UST: variants seen among roughly 807,000 people sequenced by gnomAD.
UST encodes the protein uronyl 2-sulfotransferase.
A neutral mutation model predicts 45.6 loss-of-function variants in UST; 21 were observed. The ratio of observed to expected loss-of-function variants is 0.46; its 90% CI spans 0.33 to 0.66. The LOEUF (loss-of-function observed/expected upper bound fraction) is 0.66. Ranked by LOEUF, UST falls within the 30% of genes least tolerant of loss-of-function variation. The pLI, the probability that UST is intolerant of heterozygous loss-of-function variation, is 0.02. For missense variants in UST, 463 were observed against 512.4 expected (o/e 0.90, Z 0.93); for synonymous variants, 215 against 200.6 (o/e 1.07, Z -0.61).
In UST at chr6:148,945,829, A is replaced by T. The variant is rs1780224074; in HGVS notation, c.447+4395A>T. Among the ~76,000 whole-genome samples, 3 of 152,156 alleles carry T rather than the reference A, an allele frequency of 2.0e-5. No homozygotes were observed. The South Asian group carries it at 6.2e-4, about 32-fold the overall frequency. ...CAGAACTCCAGTTCATTGTCTGTGA[A>T]ATACTAGGCAAGTCCACATCCTCCC... On this transcript the variant is annotated intron_variant, in intron 3 of 7. Transcript: ENST00000367463.
intron 1 of UST, among the ~76,000 whole-genome samples, chr6:148,841,313 C>T (rs1190629291): frequency 6.6e-6 from 1 of 151,874 alleles, no homozygotes; most frequent in Non-Finnish European, 1.5e-5. Context: ...ACATAATTTC[C>T]TTCTCTTATG....
At chr6:148,966,223 C>A (rs945487021) in intron 5 of UST, among the ~76,000 whole-genome samples, 4 of 135,178 alleles carry the variant, frequency 3.0e-5, no homozygotes, top group African/African-American at 6.3e-5. Flanking sequence ...GACTCCATCT[C>A]AAAAAATAAT....
chr6:149,030,273 A>G lies in UST; in HGVS notation c.937+8792A>G, dbSNP rs962225098. On this transcript the variant is annotated intron_variant, in intron 7 of 7. Transcript: ENST00000367463. Reference sequence around the variant, plus strand: ...TGATTCCTCTAAAACTCTTCTTTATATTTAATCATTAATTCAGAAGTTAGT... The same window carrying G: ...TGATTCCTCTAAAACTCTTCTTTATGTTTAATCATTAATTCAGAAGTTAGT... Among the ~76,000 whole-genome samples the G allele has an allele frequency of 4.6e-5, 7 of 152,282 alleles. No homozygotes were observed. In the South Asian group the frequency reaches 1.4e-3, roughly 32 times the overall value.
At chr6:148,775,638 T>TGG (rs778440494) in intron 1 of UST, among the ~76,000 whole-genome samples, 19,605 of 133,532 alleles carry the variant, frequency 0.15, 1,527 homozygotes, top group Non-Finnish European at 0.19. Flanking sequence ...TTTTTTTTTT[T>TGG]TGGGGCGGGG....
At chr6:148,990,308 G>C (rs1781323640) in intron 5 of UST, 1 of 781,206 alleles carries the variant, frequency 1.3e-6, no homozygotes, top group South Asian at 5.8e-5. Context: ...TTTTATAATA[G>C]AAGTATTTGA....
At chr6:148,896,377 TG>T (rs140598271) in intron 2 of UST, among the ~76,000 whole-genome samples, 2,827 of 152,276 alleles carry the variant, frequency 0.019, 39 homozygotes, top group Middle Eastern at 0.048. Context: ...CACAAAATTG[TG>T]TTGTGTGCAG....
At chr6:148,862,551 T>C (rs1487952776) in intron 1 of UST, among the ~76,000 whole-genome samples, 1 of 152,242 alleles carries the variant, frequency 6.6e-6, no homozygotes, top group Non-Finnish European at 1.5e-5. Flanking sequence ...TCGTGTTAGC[T>C]GCTTATTTGG....
intron 5 of UST, among the ~76,000 whole-genome samples, chr6:149,016,198 C>T (rs924260725): frequency 5.9e-5 from 9 of 152,196 alleles, no homozygotes; most frequent in African/African-American, 1.7e-4. Context: ...CCCCAGGATG[C>T]GTCTTGGTCT....
chr6:148,972,528 C>T (rs1399566045), intron 5 of UST, among the ~76,000 whole-genome samples: 1 of 152,240 alleles, frequency 6.6e-6, no homozygotes, highest in Non-Finnish European at 1.5e-5. Context: ...AGCAACGCTG[C>T]TCTGATGGCT....
chr6:148,943,664 C>A (rs957886771), intron 3 of UST, among the ~76,000 whole-genome samples: 5 of 152,164 alleles, frequency 3.3e-5, no homozygotes, highest in Admixed American at 6.5e-5. Flanking sequence ...TTTTAAGATT[C>A]TTTCCAGCCC....
chr6:148,978,541 A>G (rs1261637344), intron 5 of UST, among the ~76,000 whole-genome samples: 3 of 152,196 alleles, frequency 2.0e-5, no homozygotes, highest in African/African-American at 7.2e-5. Context: ...ATGAAGCTGG[A>G]AACCATCATC....
intron 2 of UST, among the ~76,000 whole-genome samples, chr6:148,925,054 G>T (rs966046423): frequency 6.6e-6 from 1 of 152,112 alleles, no homozygotes; most frequent in African/African-American, 2.4e-5. Context: ...TTTCACTGAC[G>T]TTTGATGGAA....
intron 1 of UST, among the ~76,000 whole-genome samples, chr6:148,854,900 C>T (rs1345516071): frequency 6.6e-6 from 1 of 152,154 alleles, no homozygotes; most frequent in Non-Finnish European, 1.5e-5. Flanking sequence ...TTTCACACTA[C>T]TGATAAAGAC....
chr6:149,065,623 A>G (rs368663520), intron 7 of UST, among the ~76,000 whole-genome samples: 24 of 152,300 alleles, frequency 1.6e-4, no homozygotes, highest in African/African-American at 5.8e-4. Context: ...CCAGCCAGCT[A>G]TGTGACCTTG....
At chr6:149,067,240 G>T (rs987644999) in intron 7 of UST, among the ~76,000 whole-genome samples, 3 of 152,128 alleles carry the variant, frequency 2.0e-5, no homozygotes, top group African/African-American at 7.2e-5. Flanking sequence ...CATGAGTTTT[G>T]ATCTTCTCTG....
chr6:148,776,977 G>A lies in UST; in HGVS notation c.247+29300G>A, dbSNP rs922171677. Among the ~76,000 whole-genome samples the A allele has an allele frequency of 1.5e-4, 23 of 152,230 alleles. No homozygotes were observed. In the East Asian group the frequency reaches 1.9e-3, roughly 13 times the overall value. On this transcript the variant is annotated intron_variant, in intron 1 of 7. Transcript: ENST00000367463. ...TGTCCCTGCTCTCAAGTGGCTGGTC[G>A]TAGCAGCTCTCCATCCCACTAACCT...
intron 7 of UST, among the ~76,000 whole-genome samples, chr6:149,030,756 T>A (rs1384169104): frequency 6.6e-6 from 1 of 151,996 alleles, no homozygotes; most frequent in Non-Finnish European, 1.5e-5. Flanking sequence ...CAAGATGTGT[T>A]ATCTTAAGCC....
At chr6:148,864,682 C>T (rs1261305631) in intron 1 of UST, among the ~76,000 whole-genome samples, 3 of 152,208 alleles carry the variant, frequency 2.0e-5, no homozygotes, top group Admixed American at 2.0e-4. Context: ...CAATATTAAC[C>T]CTCACCGGAA....
intron 7 of UST, among the ~76,000 whole-genome samples, chr6:149,023,958 A>C (rs1776015883): frequency 6.6e-6 from 1 of 152,260 alleles, no homozygotes; most frequent in Admixed American, 6.5e-5. Context: ...TTTTACCTTC[A>C]GCCATGATCT....
Sources: allele counts gnomAD v4.1 joint callset (sites outside exome capture counted in the v4.1 genomes callset), GRCh38; gene constraint gnomAD v4.1.1; transcripts MANE v1.5; gene names NCBI Gene and HGNC (gene_info 2026-07-23, HGNC 2026-07-21).